Variants in MAGI1 observed in about 807,000 individuals in gnomAD.
MAGI1 encodes membrane associated guanylate kinase, WW and PDZ domain containing 1.
MAGI1 carries 58 observed loss-of-function variants against 139.9 expected under a neutral mutation model. The ratio of observed to expected loss-of-function variants is 0.41; its 90% CI spans 0.34 to 0.52. The LOEUF is 0.52. Ranked by LOEUF, MAGI1 falls within the 20% of genes least tolerant of loss-of-function variation. The pLI is 0.12. For synonymous variants in MAGI1, 812 were observed against 737.9 expected, an observed-to-expected ratio of 1.10 and a Z score of -1.63; for missense variants, 1,874 against 1,901.6, an observed-to-expected ratio of 0.99 and a Z score of 0.27.
chr3:65,748,565 A>G (rs954998711), intron 1 of MAGI1, among the ~76,000 whole-genome samples: 2 of 152,238 alleles, frequency 1.3e-5, no homozygotes, highest in African/African-American at 4.8e-5. Context: ...AGTGAGGGGC[A>G]GGCTAGGTTC....
chr3:65,730,624 G>A (rs1257630201), intron 1 of MAGI1, among the ~76,000 whole-genome samples: 1 of 152,162 alleles, frequency 6.6e-6, no homozygotes, highest in East Asian at 1.9e-4. Context: ...GGCCTGCTTT[G>A]CCTGAGATCA....
In MAGI1 at chr3:65,951,042, A is replaced by G. The variant is rs1229176445; in HGVS notation, c.313+86954T>C. 4.7e-5 allele frequency among the ~76,000 whole-genome samples: 6 copies of G among 126,780 alleles called. No individual in the cohort carries two copies. In the Admixed American group the frequency reaches 5.1e-4, roughly 11 times the overall value. 83.2% of individuals were successfully genotyped at this position (126,780 alleles called of 152,430 possible). Reference sequence around the variant, plus strand: ...AAGGAAGGAAGGAAGGAAGGAAAGGAGGGAGGGAGGGAGGAAGGTGGGAGG... The same window carrying G: ...AAGGAAGGAAGGAAGGAAGGAAAGGGGGGAGGGAGGGAGGAAGGTGGGAGG... On this transcript the variant is annotated intron_variant, in intron 1 of 22. Coordinates refer to ENST00000402939, the MANE Select transcript of MAGI1 (RefSeq NM_001033057.2).
At chr3:65,807,290 G>T (rs1426605021) in intron 1 of MAGI1, among the ~76,000 whole-genome samples, 1 of 152,168 alleles carries the variant, frequency 6.6e-6, no homozygotes, top group Non-Finnish European at 1.5e-5. Flanking sequence ...TGTCTGGCAA[G>T]GACTTCATCT....
At chr3:65,924,955 A>G (rs1394876026) in intron 1 of MAGI1, 2 of 152,228 alleles carry the variant, frequency 1.3e-5, no homozygotes, top group African/African-American at 2.4e-5. Flanking sequence ...ATGAAAACAA[A>G]TAAGTCTGTT....
At chr3:65,934,698 T>C (rs1381442252) in intron 1 of MAGI1, among the ~76,000 whole-genome samples, 1 of 151,202 alleles carries the variant, frequency 6.6e-6, no homozygotes, top group East Asian at 1.9e-4. Flanking sequence ...AACCTAATTA[T>C]AAAACCGAGT....
chr3:66,027,265 CAAATAAATAAAT>C (rs201338759), intron 1 of MAGI1, among the ~76,000 whole-genome samples: 110 of 69,832 alleles, frequency 1.6e-3, no homozygotes, highest in Middle Eastern at 5.4e-3. Flanking sequence ...GACTCCGTCT[CAAATAAATAAAT>C]AAATAAATAA....
At chr3:65,999,440 G>T (rs1272355158) in intron 1 of MAGI1, among the ~76,000 whole-genome samples, 1 of 152,032 alleles carries the variant, frequency 6.6e-6, no homozygotes, top group Non-Finnish European at 1.5e-5. Flanking sequence ...ATGTATAAAT[G>T]ATTATGACCT....
intron 1 of MAGI1, among the ~76,000 whole-genome samples, chr3:65,712,457 A>C (rs1436324866): frequency 7.1e-6 from 1 of 141,810 alleles, no homozygotes; most frequent in East Asian, 2.0e-4. Context: ...CCAAGCAAGA[A>C]AAAAAAAAAA....
At chr3:65,854,354 C>A (rs1488500458) in intron 1 of MAGI1, among the ~76,000 whole-genome samples, 1 of 152,110 alleles carries the variant, frequency 6.6e-6, no homozygotes, top group Non-Finnish European at 1.5e-5. Context: ...AATACACTTT[C>A]TCCTTTTCAC....
intron 5 of MAGI1, among the ~76,000 whole-genome samples, chr3:65,466,785 T>G (rs1180269002): frequency 1.3e-5 from 2 of 151,818 alleles, no homozygotes; most frequent in African/African-American, 4.8e-5. Flanking sequence ...ACTGCCTGGA[T>G]GCAAAGTGCC....
At chr3:65,397,210 C>G (rs1944461066) in intron 13 of MAGI1, among the ~76,000 whole-genome samples, 3 of 152,180 alleles carry the variant, frequency 2.0e-5, no homozygotes, top group South Asian at 4.1e-4. Flanking sequence ...AGGTGCCACA[C>G]AACTGTGTGA....
At chr3:65,469,993 A>T (rs573042842) in intron 5 of MAGI1, 22 of 150,296 alleles carry the variant, frequency 1.5e-4, no homozygotes, top group Non-Finnish European at 2.2e-4. Flanking sequence ...TTTATTTTTA[A>T]TGGTTAAATA....
intron 2 of MAGI1, among the ~76,000 whole-genome samples, chr3:65,514,337 A>G (rs1413142427): frequency 1.2e-5 from 1 of 83,490 alleles, no homozygotes; most frequent in African/African-American, 4.2e-5. Flanking sequence ...GAGCTTCTGC[A>G]CAGCAAAAGA....
At chr3:65,909,916 TC>T (rs1358101968) in intron 1 of MAGI1, among the ~76,000 whole-genome samples, 1 of 152,074 alleles carries the variant, frequency 6.6e-6, no homozygotes, top group African/African-American at 2.4e-5. Context: ...CCACCTCAGA[TC>T]ATCAGGCACT....
At chr3:65,673,201 G>A (rs771004731) in intron 1 of MAGI1, among the ~76,000 whole-genome samples, 15 of 152,230 alleles carry the variant, frequency 9.9e-5, no homozygotes, top group Non-Finnish European at 2.1e-4. Context: ...GTGTAGTGCA[G>A]AAGCTCTTAA....
In MAGI1 at chr3:65,705,123, T is replaced by C. The variant is rs142709142; in HGVS notation, c.314-83035A>G. ...TCAGAAGATTTTGCAAAAACTCTCA[T>C]TGTCATGGTTTTAAGTCAAACTAAG... On this transcript the variant is annotated intron_variant, in intron 1 of 22. Transcript: ENST00000402939. Among the ~76,000 whole-genome samples the C allele has an allele frequency of 1.5e-4, 23 of 152,138 alleles. No individual in the cohort carries two copies. In the East Asian group the frequency reaches 3.9e-3, roughly 26 times the overall value.
intron 14 of MAGI1, among the ~76,000 whole-genome samples, chr3:65,388,838 T>G (rs917559476): frequency 8.2e-5 from 10 of 121,450 alleles, no homozygotes; most frequent in African/African-American, 3.0e-4. Flanking sequence ...TTCCGAATTT[T>G]TTTTTTTTTT....
At chr3:65,363,178 G>T (rs1941062252) in intron 21 of MAGI1, among the ~76,000 whole-genome samples, 1 of 152,162 alleles carries the variant, frequency 6.6e-6, no homozygotes, top group African/African-American at 2.4e-5. Flanking sequence ...AAAAACTATA[G>T]AAATGGGCTC....
Position 65,462,398 on chromosome 3 carries a change from T to C in MAGI1, c.959+7885A>G, listed in dbSNP as rs369743662. On this transcript the variant is annotated intron_variant, in intron 5 of 22. Transcript: ENST00000402939. ...GGAATCCTTTCCCCATTGCTTGTTT[T>C]TGTCAGGTTTGTCAAAGATCATATG... 2.0e-5 allele frequency among the ~76,000 whole-genome samples: 3 copies of C among 152,334 alleles called. No homozygotes were observed. In the East Asian group the frequency reaches 5.8e-4, roughly 29 times the overall value.
Sources: gnomAD v4.1 joint callset for allele counts (sites outside exome capture counted in the v4.1 genomes callset) on GRCh38, gnomAD v4.1.1 for gene constraint, MANE v1.5 for transcripts, NCBI Gene and HGNC (gene_info 2026-07-23, HGNC 2026-07-21) for gene names.